SF3B1: variants seen among roughly 807,000 people sequenced by gnomAD.
The protein encoded by SF3B1 is pre-mRNA processing 10.
In SF3B1, 12 loss-of-function variants were observed where a neutral mutation model predicts 153.8. That is an observed-to-expected ratio of 0.08 (90% CI 0.05 to 0.13). SF3B1 has a LOEUF of 0.13. SF3B1 is among the 10% of genes least tolerant of loss of function. The pLI, the probability that SF3B1 is intolerant of heterozygous loss-of-function variation, is 1.00. For missense variants in SF3B1, 513 were observed against 1,606.1 expected, an observed-to-expected ratio of 0.32 and a Z score of 11.63; for synonymous variants, 498 against 525.2, an observed-to-expected ratio of 0.95 and a Z score of 0.71.
rs750791761 is a variant in SF3B1, at chr2:197,401,719, A to AT, written c.2370+22dup. 1.6e-5 allele frequency: 26 copies of AT among 1,597,810 alleles called. No homozygotes were observed. Among genetic ancestry groups the AT allele is most frequent in the Non-Finnish European group, 2.2e-5 (26 of 1,172,498 alleles). On this transcript the variant is annotated intron_variant, in intron 16 of 24. Coordinates refer to ENST00000335508, the MANE Select transcript of SF3B1 (RefSeq NM_012433.4). The surrounding 1 kb of genome is among the most constrained non-coding windows in gnomAD (Gnocchi z 4.2). The stretch of plus-strand genomic sequence containing the variant: ...GAACCATGAAACATATCCAGTTTAC[A>AT]TTAACAAATCTGGAATAATTACCTT...
chr2:197,392,503 C>A (rs2084820512), intron 24 of SF3B1, 42 bp from the exon 25 acceptor site: 4 of 864,966 alleles, frequency 4.6e-6, no homozygotes, highest in Non-Finnish European at 6.9e-6. Context: ...TTTTTAAGAA[C>A]ATACATAACC....
intron 22 of SF3B1, among the ~76,000 whole-genome samples, chr2:197,397,673 T>C: frequency 6.6e-6 from 1 of 152,134 alleles, no homozygotes. Flanking sequence ...GGTGCATGCC[T>C]GTAGTCCCAG....
intron 1 of SF3B1, among the ~76,000 whole-genome samples, chr2:197,425,806 CCT>C (rs1440428565): frequency 4.6e-5 from 7 of 152,020 alleles, no homozygotes; most frequent in South Asian, 2.1e-4. Flanking sequence ...TCAAAACCAG[CCT>C]GGGCGACATG....
chr2:197,423,052 G>A (rs1000954945), intron 2 of SF3B1, among the ~76,000 whole-genome samples: 1 of 152,100 alleles, frequency 6.6e-6, no homozygotes, highest in African/African-American at 2.4e-5. Flanking sequence ...TCCTCCATAG[G>A]AATTCAAACA....
At position 197,423,897 on chromosome 2, in the gene SF3B1, T is replaced by C. The variant is rs1051372734; in HGVS notation, c.106A>G (p.Thr36Ala). ...DEAQGVGLDSTGYYDQEIYGG... is the reference protein window; with the variant it reads ...DEAQGVGLDSAGYYDQEIYGG... ...TAAATTTCCTGGTCATAATAACCTG[T>C]AGAATCGAGGCCCACTCCTTGAGCT... The change falls in exon 2 of 25, where the codon ACA becomes GCA. Residue 36 changes from threonine to alanine, a missense_variant. Around this residue, in one of 21 missense-constraint regions of SF3B1, gnomAD observed 14 missense variants for 54.8 expected, o/e 0.26. Coordinates refer to ENST00000335508, the MANE Select transcript of SF3B1 (RefSeq NM_012433.4). The C allele has an allele frequency of 6.2e-7, 1 of 1,613,136 alleles. No individual in the cohort carries two copies. The highest frequency in any genetic ancestry group is 1.3e-5 in the African/African-American group (1 of 74,900).
chr2:197,413,437 A>G (rs2085101303), intron 6 of SF3B1, among the ~76,000 whole-genome samples: 1 of 152,174 alleles, frequency 6.6e-6, no homozygotes, highest in Non-Finnish European at 1.5e-5. Context: ...AAATAAAGCT[A>G]GTAGTTACTT....
chr2:197,395,520 G>C (rs570510700), intron 23 of SF3B1, among the ~76,000 whole-genome samples: 1 of 152,292 alleles, frequency 6.6e-6, no homozygotes, highest in African/African-American at 2.4e-5. Context: ...GTTTAAGGCT[G>C]TACGTCAGTC....
intron 23 of SF3B1, among the ~76,000 whole-genome samples, chr2:197,394,903 C>CA (rs965468190): frequency 3.2e-4 from 45 of 139,460 alleles, no homozygotes; most frequent in Middle Eastern, 3.7e-3. Flanking sequence ...AAACTCCGTC[C>CA]AAAAAAAAAA....
intron 20 of SF3B1, chr2:197,398,881 GA>G (rs2084906258): frequency 6.2e-6 from 3 of 487,206 alleles, no homozygotes; most frequent in Non-Finnish European, 1.2e-5. Flanking sequence ...TAAATATGGG[GA>G]CAGCTTATGT....
chr2:197,392,579 G>GGA, intron 24 of SF3B1, 118 bp from the exon 25 acceptor site: 2 of 310,394 alleles, frequency 6.4e-6, no homozygotes, highest in South Asian at 3.0e-5. Context: ...TTGGGGGGGG[G>GGA]GGAACCTACT....
At chr2:197,406,308 C>T (rs1339216027) in intron 9 of SF3B1, among the ~76,000 whole-genome samples, 2 of 151,820 alleles carry the variant, frequency 1.3e-5, no homozygotes, top group East Asian at 1.9e-4. Context: ...TAAACCTATA[C>T]ACGTCTTCTC....
In SF3B1 at chr2:197,394,510, T is replaced by C. The variant is rs143502316; in HGVS notation, c.3540-1322A>G. 3.7e-3 allele frequency among the ~76,000 whole-genome samples: 562 copies of C among 152,380 alleles called. 3 individuals are homozygous for C. The highest frequency in any genetic ancestry group is 0.013 in the African/African-American group (538 of 41,586). ...AATAACTATCATCTCCTATGTTAAC[T>C]GAATTTATGTTCATGAAAAATCAAT... is the stretch of plus-strand genomic sequence containing the variant. On this transcript the variant is annotated intron_variant, in intron 23 of 24. Transcript: ENST00000335508.
intron 1 of SF3B1, among the ~76,000 whole-genome samples, chr2:197,431,135 C>CA (rs2085427799): frequency 1.0e-5 from 1 of 97,210 alleles, no homozygotes; most frequent in East Asian, 3.4e-4. Context: ...TTTTTTGAGA[C>CA]AGAGTTTCAC....
At chr2:197,420,595 G>A in intron 3 of SF3B1, 53 bp from the exon 4 acceptor site, 1 of 1,214,054 alleles carries the variant, frequency 8.2e-7, no homozygotes, top group Non-Finnish European at 1.2e-6. Context: ...TAACAAAACA[G>A]AATATCATAA....
chr2:197,407,532 G>A (rs1340022635), intron 9 of SF3B1, among the ~76,000 whole-genome samples: 1 of 151,734 alleles, frequency 6.6e-6, no homozygotes, highest in African/African-American at 2.4e-5. Context: ...TTAAACCTGG[G>A]AGGCGGAGGT....
At chr2:197,431,402 G>C (rs997082657) in intron 1 of SF3B1, among the ~76,000 whole-genome samples, 2 of 152,168 alleles carry the variant, frequency 1.3e-5, no homozygotes, top group Non-Finnish European at 2.9e-5. Flanking sequence ...TTATAGGTGT[G>C]AGACACCATG....
At chr2:197,429,264 G>A (rs2085387403) in intron 1 of SF3B1, among the ~76,000 whole-genome samples, 2 of 152,154 alleles carry the variant, frequency 1.3e-5, no homozygotes, top group Admixed American at 6.5e-5. Flanking sequence ...ACACAAAACT[G>A]CCAAAAGCTG....
At position 197,402,936 on chromosome 2, in the gene SF3B1, T is replaced by C. The variant is rs1009690634; in HGVS notation, c.1806+13A>G. The C allele has an allele frequency of 3.7e-6, 6 of 1,610,158 alleles. No individual in the cohort carries two copies. Among genetic ancestry groups the C allele is most frequent in the Non-Finnish European group, 5.1e-6 (6 of 1,177,580 alleles). On this transcript the variant is annotated intron_variant, in intron 13 of 24. Coordinates refer to ENST00000335508, the MANE Select transcript of SF3B1 (RefSeq NM_012433.4). The surrounding 1 kb of genome is among the most constrained non-coding windows in gnomAD (Gnocchi z 4.6). Reference sequence around the variant, plus strand: ...GATATAAATTTTCTTCTCTAGAAATTAAATGTAAATACCTTTGCCAAATTA... The same window carrying C: ...GATATAAATTTTCTTCTCTAGAAATCAAATGTAAATACCTTTGCCAAATTA...
chr2:197,428,991 G>A (rs933916940), intron 1 of SF3B1, among the ~76,000 whole-genome samples: 3 of 151,776 alleles, frequency 2.0e-5, no homozygotes, highest in African/African-American at 4.8e-5. Context: ...GGCGGGGGTT[G>A]GCAACTATGA....
Sources: allele counts gnomAD v4.1 joint callset (sites outside exome capture counted in the v4.1 genomes callset), GRCh38; gene constraint gnomAD v4.1.1; regional missense constraint gnomAD v4.1.1; non-coding constraint Gnocchi (gnomAD v3.1); transcripts MANE v1.5; gene names NCBI Gene and HGNC (gene_info 2026-07-23, HGNC 2026-07-21).